PCDHGA10: variants seen among roughly 807,000 people sequenced by gnomAD.
PCDHGA10 encodes the protein protocadherin gamma subfamily A, 10.
Under a neutral mutation model 59.5 loss-of-function variants are expected in PCDHGA10, and 42 were observed. The observed-to-expected ratio is 0.71, with a 90% CI of 0.55 to 0.91. PCDHGA10 has a LOEUF of 0.91. Among genes scored for constraint, PCDHGA10 ranks in the 40% least tolerant of loss-of-function variants. The pLI, the probability that PCDHGA10 is intolerant of heterozygous loss-of-function variation, is 0.00. For synonymous variants in PCDHGA10, 511 were observed against 517.2 expected, an observed-to-expected ratio of 0.99 and a Z score of 0.16; for missense variants, 1,111 against 1,198.2, an observed-to-expected ratio of 0.93 and a Z score of 1.07.
chr5:141,489,205 G>A lies in PCDHGA10; in HGVS notation c.2437-5602G>A. 2.1e-6 allele frequency: 3 copies of A among 1,438,682 alleles called. No homozygotes were observed. Among genetic ancestry groups the A allele is most frequent in the Non-Finnish European group, 1.9e-6 (2 of 1,060,944 alleles). 89.1% of individuals were successfully genotyped at this position (1,438,682 alleles called of 1,614,324 possible). On this transcript the variant is annotated intron_variant, in intron 1 of 3. Coordinates refer to ENST00000398610, the MANE Select transcript of PCDHGA10 (RefSeq NM_018913.3). The surrounding 1 kb of genome is among the most constrained non-coding windows in gnomAD (Gnocchi z 4.5). ...CTGGGTCTACCTTGGAGACAGGACA[G>A]CACAGACTTACTCTCCACAAAGGGA...
intron 3 of PCDHGA10, chr5:141,508,338 A>T (rs1245526252): frequency 1.3e-5 from 2 of 152,224 alleles, no homozygotes; most frequent in Non-Finnish European, 2.9e-5. Flanking sequence ...AACTGACTCT[A>T]CAGAAAGTCA....
intron 1 of PCDHGA10, among the ~76,000 whole-genome samples, chr5:141,462,069 C>T (rs555164288): frequency 4.3e-4 from 65 of 151,850 alleles, no homozygotes; most frequent in Non-Finnish European, 7.5e-4. Context: ...GTGATCTGCC[C>T]GCCTTGGCCT....
chr5:141,415,740 G>GTTTTTTTTTTTTTTTTTTTTTTTTTT, intron 1 of PCDHGA10, 129 bp downstream of exon 1: 11 of 617,992 alleles, frequency 1.8e-5, no homozygotes, highest in Middle Eastern at 5.6e-4. Context: ...GTTTATTAAG[G>GTTTTTTTTTTTTTTTTTTTTTTTTTT]TTTTTTTTTT....
At chr5:141,453,919 C>T (rs142719452) in intron 1 of PCDHGA10, among the ~76,000 whole-genome samples, 2 of 152,318 alleles carry the variant, frequency 1.3e-5, no homozygotes, top group African/African-American at 4.8e-5. Flanking sequence ...TGTCAGTGAT[C>T]AGTCACTGTG....
intron 1 of PCDHGA10, chr5:141,415,888 T>C: frequency 1.1e-6 from 1 of 940,220 alleles, no homozygotes; most frequent in South Asian, 2.9e-5. Flanking sequence ...ATATTGACAA[T>C]TCCTAAGACA....
At chr5:141,421,794 G>A in intron 1 of PCDHGA10, 1 of 1,613,788 alleles carries the variant, frequency 6.2e-7, no homozygotes, top group Non-Finnish European at 8.5e-7. Flanking sequence ...GAACGGATGG[G>A]GCCAAGAATC....
At chr5:141,439,668 A>C (rs944454917) in intron 1 of PCDHGA10, among the ~76,000 whole-genome samples, 1 of 152,230 alleles carries the variant, frequency 6.6e-6, no homozygotes, top group Non-Finnish European at 1.5e-5. Context: ...CATGGAATGC[A>C]AATCCAAGAG....
intron 1 of PCDHGA10, among the ~76,000 whole-genome samples, chr5:141,475,629 C>T (rs77593456): frequency 0.054 from 8,157 of 152,234 alleles, 446 homozygotes; most frequent in African/African-American, 0.15. Flanking sequence ...TGGTTCGATC[C>T]CCTTTCTTGT....
At position 141,487,507 on chromosome 5, in the gene PCDHGA10, A is replaced by C; in HGVS notation, c.2437-7300A>C. 6.2e-7 allele frequency: 1 copy of C among 1,614,138 alleles called. No individual in the cohort carries two copies. Among genetic ancestry groups the C allele is most frequent in the Non-Finnish European group, 8.5e-7 (1 of 1,180,028 alleles). On this transcript the variant is annotated intron_variant, in intron 1 of 3. Coordinates refer to ENST00000398610, the MANE Select transcript of PCDHGA10 (RefSeq NM_018913.3). This position sits in a 1 kb window ranked among gnomAD's most constrained non-coding sequence, Gnocchi z 5.0. ...ATGGCTGTACACCCTTGGCTTCTGC[A>C]CCCACTCGGAGTGATAGCTTCATGA...
chr5:141,422,790 C>G, intron 1 of PCDHGA10: 1 of 1,614,060 alleles, frequency 6.2e-7, no homozygotes, highest in South Asian at 1.1e-5. Context: ...TACAATCCTT[C>G]GACTATGAGC....
intron 1 of PCDHGA10, among the ~76,000 whole-genome samples, chr5:141,465,335 T>C (rs1222292569): frequency 6.6e-6 from 1 of 152,186 alleles, no homozygotes; most frequent in African/African-American, 2.4e-5. Context: ...ATTTTTTATA[T>C]TGGTTACTGA....
At chr5:141,425,827 T>C (rs2096896512) in intron 1 of PCDHGA10, among the ~76,000 whole-genome samples, 1 of 152,226 alleles carries the variant, frequency 6.6e-6, no homozygotes, top group South Asian at 2.1e-4. Context: ...AAACAAACTT[T>C]TAAATTCTCT....
intron 1 of PCDHGA10, chr5:141,422,006 C>G: frequency 6.2e-7 from 1 of 1,609,754 alleles, no homozygotes; most frequent in Non-Finnish European, 8.5e-7. Flanking sequence ...AGCTCCGGAA[C>G]TCGGGTGCTG....
At chr5:141,508,835 C>T (rs1190105775) in intron 3 of PCDHGA10, among the ~76,000 whole-genome samples, 12 of 152,158 alleles carry the variant, frequency 7.9e-5, no homozygotes, top group African/African-American at 2.9e-4. Flanking sequence ...CCCCCCTCCC[C>T]TACCCCTTCC....
chr5:141,473,497 C>T (rs2099323546), intron 1 of PCDHGA10, among the ~76,000 whole-genome samples: 1 of 152,106 alleles, frequency 6.6e-6, no homozygotes, highest in Non-Finnish European at 1.5e-5. Context: ...ATAAGGTGTT[C>T]TGAGAGAGCA....
Position 141,489,712 on chromosome 5 carries a change from C to G in PCDHGA10, c.2437-5095C>G. On this transcript the variant is annotated intron_variant, in intron 1 of 3. Transcript: ENST00000398610. The surrounding 1 kb of genome is among the most constrained non-coding windows in gnomAD (Gnocchi z 4.5). ...GGCACGATTCCCACTGGACAGTGCC[C>G]AGGATCCGGATGTGGGCACCAATAC... The G allele has an allele frequency of 6.2e-7, 1 of 1,614,162 alleles. No individual in the cohort carries two copies. Among genetic ancestry groups the G allele is most frequent in the South Asian group, 1.1e-5 (1 of 91,078 alleles).
In PCDHGA10 at chr5:141,413,769, G is replaced by T; in HGVS notation, c.594G>T (p.Leu198=). The change falls in exon 1 of 4, where the codon CTG becomes CTT. Residue 198 remains leucine (L), a synonymous_variant. Coordinates refer to ENST00000398610, the MANE Select transcript of PCDHGA10 (RefSeq NM_018913.3). ...CCAATGGCGTCAAGTACCCGGAGCT[G>T]GTACTGGAGCACTCCCTAGATCGCG... is the stretch of plus-strand genomic sequence containing the variant. ...SRANGVKYPE[L]VLEHSLDREE... 6.2e-7 allele frequency: 1 copy of T among 1,612,870 alleles called. No individual in the cohort carries two copies. The highest frequency in any genetic ancestry group is 8.5e-7 in the Non-Finnish European group (1 of 1,179,878).
In PCDHGA10 at chr5:141,511,308, G is replaced by A. The variant is rs76613492; in HGVS notation, c.*135G>A. ...AGGGGCCAAGGCCATGCTCCCCTTG[G>A]GAAACAGAAACAAGTGCCCAGTCAG... is the stretch of plus-strand genomic sequence containing the variant. On this transcript the variant is annotated 3_prime_UTR_variant, in exon 4 of 4. Coordinates refer to ENST00000398610, the MANE Select transcript of PCDHGA10 (RefSeq NM_018913.3). 1.1e-3 allele frequency: 1,589 copies of A among 1,487,716 alleles called. 16 individuals carry two copies. In the African/African-American group the frequency reaches 0.021, roughly 19 times the overall value. The allele number at this position is 1,487,716 out of a possible 1,614,324, so 92.2% of individuals were successfully genotyped here.
At position 141,512,045 on chromosome 5, in the gene PCDHGA10, C is replaced by T. The variant is rs568357347; in HGVS notation, c.*872C>T. On this transcript the variant is annotated 3_prime_UTR_variant, in exon 4 of 4. Transcript: ENST00000398610. ...GGCCTTGGAGGAGGCTCTGTATGTC[C>T]TCAGGGGACTGACAACATCCTCCAG... The T allele has an allele frequency of 1.5e-3, 224 of 152,846 alleles. 2 individuals are homozygous for T. The highest frequency in any genetic ancestry group is 4.6e-4 in the Non-Finnish European group (31 of 68,130). The allele number at this position is 152,846 out of a possible 1,614,324, so 9.5% of individuals were successfully genotyped here. A position where few individuals can be genotyped will look rare whatever the true frequency, so the allele number is the denominator to read the frequency against.
Sources: allele counts gnomAD v4.1 joint callset (sites outside exome capture counted in the v4.1 genomes callset), GRCh38; gene constraint gnomAD v4.1.1; non-coding constraint Gnocchi (gnomAD v3.1); transcripts MANE v1.5; gene names NCBI Gene and HGNC (gene_info 2026-07-23, HGNC 2026-07-21).